Variants in ABCA5 observed in about 807,000 individuals in gnomAD.
ABCA5 encodes the protein ATP binding cassette subfamily A member 5.
Under a neutral mutation model 206.0 loss-of-function variants are expected in ABCA5, and 163 were observed. That is an observed-to-expected ratio of 0.79 (90% CI 0.70 to 0.90). ABCA5 has a LOEUF of 0.90. Among genes scored for constraint, ABCA5 ranks in the 40% least tolerant of loss-of-function variants. The pLI is 0.00. For synonymous variants in ABCA5, 609 were observed against 613.8 expected (o/e 0.99, Z 0.11); for missense variants, 1,859 against 1,912.9 (o/e 0.97, Z 0.53).
intron 20 of ABCA5, 60 bp from the exon 21 acceptor site, chr17:69,271,349 C>T: frequency 6.8e-7 from 1 of 1,468,300 alleles, no homozygotes; most frequent in Non-Finnish European, 9.2e-7. Flanking sequence ...TTTAGTAACA[C>T]TGGGAAGATA....
At chr17:69,271,059 T>C (rs1385853362) in intron 21 of ABCA5, 103 bp downstream of exon 21, 26 of 1,369,370 alleles carry the variant, frequency 1.9e-5, no homozygotes, top group Non-Finnish European at 2.5e-5. Context: ...TAAAATCTAA[T>C]TTCTAACTCA....
At chr17:69,293,869 T>TGTGTGTGTGC (rs1372074612) in intron 11 of ABCA5, among the ~76,000 whole-genome samples, 11 of 82,068 alleles carry the variant, frequency 1.3e-4, no homozygotes, top group African/African-American at 5.1e-4. Flanking sequence ...TGTGTGTGTG[T>TGTGTGTGTGC]GTGCGTGTGT....
intron 19 of ABCA5, among the ~76,000 whole-genome samples, chr17:69,276,884 G>C (rs1009754443): frequency 6.6e-6 from 1 of 152,084 alleles, no homozygotes; most frequent in Non-Finnish European, 1.5e-5. Context: ...AATCAGATAC[G>C]TGATTGACAT....
chr17:69,266,013 A>G (rs1285820926), intron 23 of ABCA5, among the ~76,000 whole-genome samples: 1 of 152,222 alleles, frequency 6.6e-6, no homozygotes, highest in Admixed American at 6.5e-5. Flanking sequence ...CAAAAACGGA[A>G]AACAATCCAA....
chr17:69,315,118 T>C (rs981519054), intron 1 of ABCA5: 8 of 152,038 alleles, frequency 5.3e-5, no homozygotes, highest in African/African-American at 1.9e-4. Flanking sequence ...GGGGAACAAA[T>C]AGAAAGAGAG....
intron 37 of ABCA5, 113 bp downstream of exon 37, chr17:69,249,792 C>T: frequency 1.5e-6 from 2 of 1,352,130 alleles, no homozygotes; most frequent in Non-Finnish European, 1.0e-6. Flanking sequence ...TTGAGAGCTA[C>T]AACATAAGTG....
Position 69,326,582 on chromosome 17 carries a change from T to TC in ABCA5, c.-16+469dup, listed in dbSNP as rs1456027448. Among the ~76,000 whole-genome samples, 2 of 152,212 alleles carry TC rather than the reference T, an allele frequency of 1.3e-5. No individual in the cohort carries two copies. The highest frequency in any genetic ancestry group is 4.8e-5 in the African/African-American group (2 of 41,454). Reference sequence around the variant, plus strand: ...CTCCTTTTAACACGCAAGGTAATGATCCGCGCGTAACCTCGCAGGGAAGAG... The same window carrying TC: ...CTCCTTTTAACACGCAAGGTAATGATCCCGCGCGTAACCTCGCAGGGAAGAG... On this transcript the variant is annotated intron_variant, in intron 1 of 38. Transcript: ENST00000392676. This position sits in a 1 kb window ranked among gnomAD's most constrained non-coding sequence, Gnocchi z 4.8.
rs904266487 is a variant in ABCA5 at position 69,251,668 on chromosome 17, G to C, written c.4535+79C>G. ...TTTAACATTTAAATTACTAACTATT[G>C]CCATGTTTTTGAAATGATGACTTTC... On this transcript the variant is annotated intron_variant, in intron 35 of 38. Coordinates refer to ENST00000392676, the MANE Select transcript of ABCA5 (RefSeq NM_172232.4). 1.3e-5 allele frequency: 20 copies of C among 1,515,390 alleles called. No individual in the cohort carries two copies. The Admixed American group carries it at 1.4e-4, about 11-fold the overall frequency. The allele number at this position is 1,515,390 out of a possible 1,614,324, so 93.9% of individuals were successfully genotyped here.
At chr17:69,257,737 A>C (rs141094466) in intron 28 of ABCA5, among the ~76,000 whole-genome samples, 243 of 152,044 alleles carry the variant, frequency 1.6e-3, no homozygotes, top group Non-Finnish European at 2.7e-3. Context: ...AAAATACACT[A>C]TTGAGATCTA....
chr17:69,297,690 C>T (rs1598189872), intron 9 of ABCA5, among the ~76,000 whole-genome samples: 1 of 152,282 alleles, frequency 6.6e-6, no homozygotes, highest in South Asian at 2.1e-4. Flanking sequence ...GCTAAAGGAA[C>T]TAATGCCTTT....
In ABCA5 at chr17:69,261,107, A is replaced by C; in HGVS notation, c.3564+18T>G. ...TATTTTATGTTTTTTAACATATTAA[A>C]ATATTTAGCAGAATTACCTTTATGA... On this transcript the variant is annotated intron_variant, in intron 26 of 38. Transcript: ENST00000392676. 1 of 1,512,704 alleles carries C rather than the reference A, an allele frequency of 6.6e-7. No homozygotes were observed. The highest frequency in any genetic ancestry group is 2.1e-4 in the Middle Eastern group (1 of 4,850). 93.7% of individuals were successfully genotyped at this position (1,512,704 alleles called of 1,614,324 possible).
intron 10 of ABCA5, among the ~76,000 whole-genome samples, chr17:69,295,649 T>C (rs1249113925): frequency 6.6e-6 from 1 of 152,240 alleles, no homozygotes; most frequent in Admixed American, 6.5e-5. Flanking sequence ...TGGCATAATG[T>C]AGGTCTGTCA....
Position 69,264,814 on chromosome 17 carries a change from A to T in ABCA5, c.3236T>A (p.Ile1079Asn). The change falls in exon 24 of 39, where the codon ATC (isoleucine) becomes AAC (asparagine). Residue 1079 changes from isoleucine (I) to asparagine (N), a missense_variant. By Grantham distance (149) the Ile-to-Asn change is moderately radical (BLOSUM62 -3). Coordinates refer to ENST00000392676, the MANE Select transcript of ABCA5 (RefSeq NM_172232.4). ...QAVVDIPLFF[I>N]ILILMLGSLL... ...GCTTCCTAGCATCAAAATAAGAATG[A>T]TAAAAAATAAGGGGATATCAACAAC... 6.2e-7 allele frequency: 1 copy of T among 1,601,726 alleles called. No homozygotes were observed. The highest frequency in any genetic ancestry group is 1.3e-5 in the African/African-American group (1 of 74,638).
At chr17:69,317,550 G>A (rs1310132327) in intron 1 of ABCA5, among the ~76,000 whole-genome samples, 1 of 152,084 alleles carries the variant, frequency 6.6e-6, no homozygotes, top group East Asian at 1.9e-4. Context: ...AAAGATAAAT[G>A]TAGGGACAGA....
chr17:69,301,268 A>T lies in ABCA5; in HGVS notation c.1138T>A (p.Phe380Ile). 1 of 1,590,146 alleles carries T rather than the reference A, an allele frequency of 6.3e-7. No homozygotes were observed. Reference sequence around the variant, plus strand: ...TTTGAAAATGAAGCACCTTCATTAAAATCTTCTAAATGCATGACCTGAAAA... The same window carrying T: ...TTTGAAAATGAAGCACCTTCATTAATATCTTCTAAATGCATGACCTGAAAA... ...GIAQVMHLEDFNEGASFSNLT... is the reference protein window; with the variant it reads ...GIAQVMHLEDINEGASFSNLT... Residue 380 changes from phenylalanine (F) to isoleucine (I), a missense_variant, in exon 9 of 39, where the codon TTT becomes ATT. Physicochemically the swap from Phe to Ile is conservative, Grantham distance 21 (BLOSUM62 0). Transcript: ENST00000392676.
chr17:69,303,959 T>C (rs2075689300), intron 7 of ABCA5: 1 of 147,220 alleles, frequency 6.8e-6, no homozygotes, highest in African/African-American at 2.5e-5. Flanking sequence ...GGTTGAAGGA[T>C]TGAGCCTGGG....
At position 69,245,666 on chromosome 17, in the gene ABCA5, T is replaced by C. The variant is rs2074942511; in HGVS notation, c.*1871A>G. 6.6e-6 allele frequency: 1 copy of C among 152,022 alleles called. No individual in the cohort carries two copies. The highest frequency in any genetic ancestry group is 2.1e-4 in the South Asian group (1 of 4,834). The allele number at this position is 152,022 out of a possible 1,614,324, so 9.4% of individuals were successfully genotyped here. A position where few individuals can be genotyped will look rare whatever the true frequency, so the allele number is the denominator to read the frequency against. ...TAAAATTGTTTACAAGAGCATGTAT[T>C]CATATACATTAAAAGCAAAGTAACT... On this transcript the variant is annotated 3_prime_UTR_variant, in exon 39 of 39. Transcript: ENST00000392676.
chr17:69,320,651 T>G (rs2075856853), intron 1 of ABCA5, among the ~76,000 whole-genome samples: 1 of 152,202 alleles, frequency 6.6e-6, no homozygotes, highest in African/African-American at 2.4e-5. Flanking sequence ...TCATAAACCT[T>G]TAAACTTTAA....
At chr17:69,269,226 T>C (rs951065213) in intron 22 of ABCA5, among the ~76,000 whole-genome samples, 1 of 152,212 alleles carries the variant, frequency 6.6e-6, no homozygotes, top group Non-Finnish European at 1.5e-5. Context: ...GTATGGGAAT[T>C]ACAAATTGTG....
Sources: gnomAD v4.1 joint callset for allele counts (sites outside exome capture counted in the v4.1 genomes callset) on GRCh38, gnomAD v4.1.1 for gene constraint, Gnocchi (gnomAD v3.1) non-coding constraint, MANE v1.5 for transcripts, NCBI Gene and HGNC (gene_info 2026-07-23, HGNC 2026-07-21) for gene names.